Variants in KLHL29 observed in about 807,000 individuals in gnomAD.
The protein encoded by KLHL29 is kelch-like protein 29.
In KLHL29, 21 loss-of-function variants were observed where a neutral mutation model predicts 80.4. The observed-to-expected ratio is 0.26, with a 90% CI of 0.19 to 0.38. The LOEUF (loss-of-function observed/expected upper bound fraction) is 0.38, where lower values mean the gene tolerates loss of function less well. KLHL29 is among the 10% of genes least tolerant of loss of function. KLHL29 has a pLI of 1.00. For synonymous variants in KLHL29, 511 were observed against 526.8 expected (o/e 0.97, Z 0.41); for missense variants, 867 against 1,223.9 (o/e 0.71, Z 4.35).
intron 2 of KLHL29, among the ~76,000 whole-genome samples, chr2:23,481,559 C>T (rs566032183): frequency 6.6e-6 from 1 of 152,242 alleles, no homozygotes; most frequent in Non-Finnish European, 1.5e-5. Context: ...CAGCCTCGTT[C>T]TGTAACCCCA....
chr2:23,556,410 G>A (rs1268447558), intron 2 of KLHL29, among the ~76,000 whole-genome samples: 3 of 152,078 alleles, frequency 2.0e-5, no homozygotes, highest in African/African-American at 7.2e-5. Flanking sequence ...AGGCCAAAGT[G>A]GGCGGATCAC....
intron 2 of KLHL29, among the ~76,000 whole-genome samples, chr2:23,519,222 G>C (rs2103468262): frequency 6.6e-6 from 1 of 152,272 alleles, no homozygotes; most frequent in East Asian, 1.9e-4. Flanking sequence ...GTCAGTCTTG[G>C]ACCCGTCCAC....
At chr2:23,581,659 C>G (rs1310612872) in intron 3 of KLHL29, among the ~76,000 whole-genome samples, 1 of 151,928 alleles carries the variant, frequency 6.6e-6, no homozygotes, top group African/African-American at 2.4e-5. Context: ...AACCCCATCT[C>G]TACTAAAAAT....
At chr2:23,631,338 A>G (rs192842447) in intron 3 of KLHL29, among the ~76,000 whole-genome samples, 53 of 151,692 alleles carry the variant, frequency 3.5e-4, no homozygotes, top group African/African-American at 1.2e-3. Flanking sequence ...ATTAAAATTT[A>G]AATAAAGAAT....
At chr2:23,613,018 A>C (rs928045777) in intron 3 of KLHL29, among the ~76,000 whole-genome samples, 1 of 152,172 alleles carries the variant, frequency 6.6e-6, no homozygotes, top group African/African-American at 2.4e-5. Context: ...AAGGCCCTTG[A>C]ATTGTTTTAA....
At chr2:23,594,124 C>T (rs910661740) in intron 3 of KLHL29, among the ~76,000 whole-genome samples, 2 of 152,086 alleles carry the variant, frequency 1.3e-5, no homozygotes, top group East Asian at 1.9e-4. Flanking sequence ...ACAGGGGTGT[C>T]GAGGAGTTGA....
At chr2:23,431,014 CGGA>C (rs1663160862) in intron 1 of KLHL29, among the ~76,000 whole-genome samples, 1 of 152,236 alleles carries the variant, frequency 6.6e-6, no homozygotes, top group Admixed American at 6.5e-5. Context: ...TTGAAATAGA[CGGA>C]CACAACAGAT....
intron 2 of KLHL29, among the ~76,000 whole-genome samples, chr2:23,526,455 G>C (rs982150679): frequency 3.9e-5 from 6 of 152,256 alleles, no homozygotes; most frequent in Non-Finnish European, 7.3e-5. Context: ...GGGGCCGGGG[G>C]AGGAGAGCCT....
Position 23,680,104 on chromosome 2 carries a change from G to GCTGGAAACAGGGAGACATC in KLHL29, c.941-4292_941-4274dup, listed in dbSNP as rs1435154296. Reference sequence around the variant, plus strand: ...GTGGAGGTGGCCTGGAGGGGGACAGGCTGGAAACAGGGAGACATCCTCAGA... The same window carrying GCTGGAAACAGGGAGACATC: ...GTGGAGGTGGCCTGGAGGGGGACAGGCTGGAAACAGGGAGACATCCTGGAAACAGGGAGACATCCTCAGA... On this transcript the variant is annotated intron_variant, in intron 5 of 13. Coordinates refer to ENST00000486442, the MANE Select transcript of KLHL29 (RefSeq NM_052920.2). The surrounding 1 kb of genome is among the most constrained non-coding windows in gnomAD (Gnocchi z 4.1). 6.6e-6 allele frequency among the ~76,000 whole-genome samples: 1 copy of GCTGGAAACAGGGAGACATC among 152,214 alleles called. No homozygotes were observed. The highest frequency in any genetic ancestry group is 1.5e-5 in the Non-Finnish European group (1 of 68,026).
In KLHL29 at chr2:23,703,290, G is replaced by C; in HGVS notation, c.2210G>C (p.Gly737Ala). Residue 737 changes from glycine to alanine, a missense_variant, in exon 12 of 14, where the codon GGG (glycine) becomes GCG (alanine). Coordinates refer to ENST00000486442, the MANE Select transcript of KLHL29 (RefSeq NM_052920.2). ...VCGGKIYVFG[G>A]VNEAGRAAGV... ...GGCGGCAAGATCTACGTGTTTGGTGGGGTGAACGAGGCAGGCCGAGCTGCC... is the reference window on the plus strand; with the variant it reads ...GGCGGCAAGATCTACGTGTTTGGTGCGGTGAACGAGGCAGGCCGAGCTGCC... The C allele has an allele frequency of 6.5e-7, 1 of 1,549,278 alleles. No individual in the cohort carries two copies. The highest frequency in any genetic ancestry group is 8.7e-7 in the Non-Finnish European group (1 of 1,145,850).
chr2:23,548,432 A>G (rs1258887396), intron 2 of KLHL29, among the ~76,000 whole-genome samples: 2 of 151,922 alleles, frequency 1.3e-5, no homozygotes, highest in Non-Finnish European at 2.9e-5. Flanking sequence ...CCCCAAAACC[A>G]TTTCTCTTTC....
At chr2:23,514,817 T>C (rs1276274251) in intron 2 of KLHL29, among the ~76,000 whole-genome samples, 1 of 152,262 alleles carries the variant, frequency 6.6e-6, no homozygotes, top group Non-Finnish European at 1.5e-5. Flanking sequence ...CTATCCTTGC[T>C]GCTTTGGCTT....
chr2:23,424,346 G>A lies in KLHL29; in HGVS notation c.-154+38566G>A, dbSNP rs368764923. ...TGTTTCCTGTGAGAGAATGCATGGC[G>A]AACGGAAATCAGACTCGGTCACCAT... is the stretch of plus-strand genomic sequence containing the variant. On this transcript the variant is annotated intron_variant, in intron 1 of 13. Coordinates refer to ENST00000486442, the MANE Select transcript of KLHL29 (RefSeq NM_052920.2). 3.2e-4 allele frequency among the ~76,000 whole-genome samples: 48 copies of A among 152,314 alleles called. 1 individual carries two copies. In the South Asian group the frequency reaches 9.3e-3, roughly 30 times the overall value.
In KLHL29 at chr2:23,560,263, C is replaced by CTTTT. The variant is rs67065961; in HGVS notation, c.-45-1866_-45-1863dup. Among the ~76,000 whole-genome samples the CTTTT allele has an allele frequency of 9.6e-5, 7 of 73,232 alleles. 1 individual carries two copies. Among genetic ancestry groups the CTTTT allele is most frequent in the African/African-American group, 3.0e-4 (5 of 16,654 alleles). The allele number at this position is 73,232 out of a possible 152,430, so 48.0% of individuals were successfully genotyped here. A position where few individuals can be genotyped will look rare whatever the true frequency, so the allele number is the denominator to read the frequency against. Reference sequence around the variant, plus strand: ...TTTTAACCATGTAATATTGGATAGGCTTTTTTTTTTTTTTTTTTTTTTTTT... The same window carrying CTTTT: ...TTTTAACCATGTAATATTGGATAGGCTTTTTTTTTTTTTTTTTTTTTTTTTTTTT... On this transcript the variant is annotated intron_variant, in intron 2 of 13. Transcript: ENST00000486442.
chr2:23,445,026 T>C (rs1231064075), intron 1 of KLHL29, among the ~76,000 whole-genome samples: 1 of 152,210 alleles, frequency 6.6e-6, no homozygotes, highest in South Asian at 2.1e-4. Context: ...AAATGACATA[T>C]AACAAAACCA....
chr2:23,573,690 T>C (rs1026999335), intron 3 of KLHL29, among the ~76,000 whole-genome samples: 1 of 152,200 alleles, frequency 6.6e-6, no homozygotes, highest in African/African-American at 2.4e-5. Context: ...CCAGACCTCA[T>C]AAACAGCCAG....
intron 1 of KLHL29, among the ~76,000 whole-genome samples, chr2:23,428,017 T>C (rs1007561398): frequency 2.1e-4 from 32 of 152,322 alleles, no homozygotes; most frequent in African/African-American, 6.7e-4. Flanking sequence ...CAGCCTTGAT[T>C]AGCCATCAGC....
rs1287903340 is a variant in KLHL29, at chr2:23,707,776, C to T, written c.*1112C>T. 6.6e-6 allele frequency: 1 copy of T among 152,276 alleles called. No individual in the cohort carries two copies. Among genetic ancestry groups the T allele is most frequent in the Non-Finnish European group, 1.5e-5 (1 of 68,080 alleles). 9.4% of individuals were successfully genotyped at this position (152,276 alleles called of 1,614,324 possible). ...TCATAGCTATATATTAAGGCACCTG[C>T]CACAAGAGCTCTCAGGATGGGGACA... On this transcript the variant is annotated 3_prime_UTR_variant, in exon 14 of 14. Transcript: ENST00000486442.
intron 3 of KLHL29, among the ~76,000 whole-genome samples, chr2:23,628,359 TG>T (rs34147350): frequency 0.18 from 27,910 of 152,026 alleles, 3,461 homozygotes; most frequent in African/African-American, 0.31. Flanking sequence ...GAATGCCCTC[TG>T]GGGAGGCGCT....
Sources: allele counts gnomAD v4.1 joint callset (sites outside exome capture counted in the v4.1 genomes callset), GRCh38; gene constraint gnomAD v4.1.1; non-coding constraint Gnocchi (gnomAD v3.1); transcripts MANE v1.5; gene names NCBI Gene and HGNC (gene_info 2026-07-23, HGNC 2026-07-21).